The following TRAPPC9 variants were observed in gnomAD, a reference collection of about 807,000 sequenced individuals.
The protein encoded by TRAPPC9 is IKK2 binding protein.
Under a neutral mutation model 124.0 loss-of-function variants are expected in TRAPPC9, and 83 were observed. The ratio of observed to expected loss-of-function variants is 0.67; its 90% CI spans 0.56 to 0.80. The LOEUF (loss-of-function observed/expected upper bound fraction) is 0.80. TRAPPC9 is among the 30% of genes least tolerant of loss of function. TRAPPC9 has a pLI of 0.00. For synonymous variants in TRAPPC9, 638 were observed against 617.5 expected, an observed-to-expected ratio of 1.03 and a Z score of -0.49; for missense variants, 1,302 against 1,508.3, an observed-to-expected ratio of 0.86 and a Z score of 2.27.
intron 21 of TRAPPC9, among the ~76,000 whole-genome samples, chr8:139,796,461 G>A (rs553707395): frequency 2.6e-4 from 39 of 152,246 alleles, no homozygotes; most frequent in African/African-American, 8.9e-4. Context: ...ATGTGTCTAC[G>A]AATTTGTCAA....
intron 16 of TRAPPC9, among the ~76,000 whole-genome samples, chr8:140,229,589 G>A (rs1003929570): frequency 8.7e-5 from 13 of 149,390 alleles, no homozygotes; most frequent in African/African-American, 3.2e-4. Context: ...TCTTTTTTGA[G>A]ACAGAGTCTT....
chr8:140,063,155 C>T lies in TRAPPC9; in HGVS notation c.2557-39076G>A, dbSNP rs1436870920. Among the ~76,000 whole-genome samples the T allele has an allele frequency of 6.6e-6, 1 of 152,134 alleles. No individual in the cohort carries two copies. The highest frequency in any genetic ancestry group is 1.9e-4 in the East Asian group (1 of 5,196). On this transcript the variant is annotated intron_variant, in intron 17 of 22. Coordinates refer to ENST00000438773, the MANE Select transcript of TRAPPC9 (RefSeq NM_001160372.4). The surrounding 1 kb of genome is among the most constrained non-coding windows in gnomAD (Gnocchi z 4.3). ...CATGAGAACGGTGTGGGGGAAGCGGCCACTGTGATTCAATGACCTCCACCT... is the reference window on the plus strand; with the variant it reads ...CATGAGAACGGTGTGGGGGAAGCGGTCACTGTGATTCAATGACCTCCACCT...
chr8:139,899,047 G>A (rs1297407677), intron 20 of TRAPPC9, among the ~76,000 whole-genome samples: 1 of 146,682 alleles, frequency 6.8e-6, no homozygotes, highest in African/African-American at 2.6e-5. Context: ...TTGAACCCAG[G>A]AGGCAGAGGC....
intron 21 of TRAPPC9, among the ~76,000 whole-genome samples, chr8:139,734,575 C>T (rs1448332467): frequency 2.0e-5 from 3 of 152,234 alleles, no homozygotes; most frequent in Admixed American, 6.5e-5. Flanking sequence ...AGGCTGGAGG[C>T]CTGTGCCCAT....
intron 16 of TRAPPC9, among the ~76,000 whole-genome samples, chr8:140,247,419 C>T (rs921372256): frequency 6.6e-6 from 1 of 152,174 alleles, no homozygotes; most frequent in East Asian, 1.9e-4. Flanking sequence ...ATCTGATTTT[C>T]TTTATTTCAT....
At chr8:139,973,597 T>G (rs1484151494) in intron 19 of TRAPPC9, among the ~76,000 whole-genome samples, 19 of 152,140 alleles carry the variant, frequency 1.2e-4, no homozygotes, top group Admixed American at 1.2e-3. Flanking sequence ...ACTGAGAAAT[T>G]TCTATGAAAT....
At chr8:140,118,179 G>A (rs1053156216) in intron 17 of TRAPPC9, among the ~76,000 whole-genome samples, 5 of 152,148 alleles carry the variant, frequency 3.3e-5, no homozygotes, top group East Asian at 1.9e-4. Flanking sequence ...CTTTGATACC[G>A]AGGAGCAAGA....
chr8:139,866,210 G>A (rs994631458), intron 21 of TRAPPC9, among the ~76,000 whole-genome samples: 6 of 152,184 alleles, frequency 3.9e-5, no homozygotes, highest in African/African-American at 1.4e-4. Flanking sequence ...TTCCTTATCA[G>A]ACCTAAATGT....
Position 140,287,699 on chromosome 8 carries a change from G to C in TRAPPC9, c.1890C>G (p.Leu630=). The C allele has an allele frequency of 6.2e-7, 1 of 1,614,154 alleles. No individual in the cohort carries two copies. Among genetic ancestry groups the C allele is most frequent in the South Asian group, 1.1e-5 (1 of 91,078 alleles). Residue 630 remains leucine, a synonymous_variant, in exon 13 of 23, where the codon CTC becomes CTG. Coordinates refer to ENST00000438773, the MANE Select transcript of TRAPPC9 (RefSeq NM_001160372.4). Reference sequence around the variant, plus strand: ...CAGCCGGAAGAGAAAGCGCCGCAGGGAGAGACTCGAACTCCACTCCGCTGG... The same window carrying C: ...CAGCCGGAAGAGAAAGCGCCGCAGGCAGAGACTCGAACTCCACTCCGCTGG... The part of the protein sequence containing the change: ...LLTSGVEFES[L]PAALSLPAES...
intron 21 of TRAPPC9, among the ~76,000 whole-genome samples, chr8:139,820,871 G>A (rs1293593964): frequency 1.3e-5 from 2 of 152,184 alleles, no homozygotes; most frequent in South Asian, 2.1e-4. Context: ...TATTGTATAT[G>A]CACAAATGAA....
chr8:139,795,119 G>A (rs1310788288), intron 21 of TRAPPC9, among the ~76,000 whole-genome samples: 1 of 152,106 alleles, frequency 6.6e-6, no homozygotes, highest in Non-Finnish European at 1.5e-5. Context: ...AAAGACAACG[G>A]GCAGGCACAA....
chr8:139,757,846 T>C (rs1188379753), intron 21 of TRAPPC9, among the ~76,000 whole-genome samples: 1 of 152,170 alleles, frequency 6.6e-6, no homozygotes, highest in East Asian at 1.9e-4. Flanking sequence ...CTCGCCTCCC[T>C]GTCCAAGGGG....
intron 16 of TRAPPC9, among the ~76,000 whole-genome samples, chr8:140,250,330 G>A (rs950777604): frequency 4.6e-5 from 7 of 152,136 alleles, no homozygotes; most frequent in South Asian, 2.1e-4. Context: ...CCAGGATCCC[G>A]GTTTGTGCAA....
At chr8:139,853,043 A>G (rs990493637) in intron 21 of TRAPPC9, among the ~76,000 whole-genome samples, 2 of 152,160 alleles carry the variant, frequency 1.3e-5, no homozygotes, top group Middle Eastern at 3.2e-3. Flanking sequence ...CCGTGAGTCT[A>G]GGCTTCCCAA....
rs560237880 is a variant in TRAPPC9 at position 140,457,590 on chromosome 8, G to A, written c.-11+49C>T. 1.8e-4 allele frequency: 176 copies of A among 985,210 alleles called. No homozygotes were observed. The African/African-American group carries it at 2.8e-3, about 16-fold the overall frequency. The allele number at this position is 985,210 out of a possible 1,614,324, so 61.0% of individuals were successfully genotyped here. On this transcript the variant is annotated intron_variant, in intron 1 of 22. Coordinates refer to ENST00000438773, the MANE Select transcript of TRAPPC9 (RefSeq NM_001160372.4). ...CACGGCCAGCCGCGCAGCCCTCCCCGCAGCCGGTCCGAATTGCCTGACCGG... is the reference window on the plus strand; with the variant it reads ...CACGGCCAGCCGCGCAGCCCTCCCCACAGCCGGTCCGAATTGCCTGACCGG...
chr8:140,062,045 G>A (rs1234762096), intron 17 of TRAPPC9, among the ~76,000 whole-genome samples: 2 of 152,058 alleles, frequency 1.3e-5, no homozygotes, highest in Non-Finnish European at 2.9e-5. Context: ...CACAATACAC[G>A]CACAGCCAGG....
chr8:140,388,943 G>C (rs2068839306), intron 7 of TRAPPC9, among the ~76,000 whole-genome samples: 1 of 149,710 alleles, frequency 6.7e-6, no homozygotes. Context: ...AGACACAGAA[G>C]GACAAACACT....
intron 21 of TRAPPC9, among the ~76,000 whole-genome samples, chr8:139,798,033 C>T (rs990834700): frequency 2.0e-5 from 3 of 152,174 alleles, no homozygotes; most frequent in Non-Finnish European, 4.4e-5. Context: ...TCACTTTCTA[C>T]CAAGAAGCCA....
intron 15 of TRAPPC9, among the ~76,000 whole-genome samples, chr8:140,253,263 C>A (rs2064170863): frequency 6.6e-6 from 1 of 152,130 alleles, no homozygotes; most frequent in Non-Finnish European, 1.5e-5. Context: ...CAGAGTTAAA[C>A]TAAATTTCTC....
Sources: allele counts gnomAD v4.1 joint callset (sites outside exome capture counted in the v4.1 genomes callset), GRCh38; gene constraint gnomAD v4.1.1; non-coding constraint Gnocchi (gnomAD v3.1); transcripts MANE v1.5; gene names NCBI Gene and HGNC (gene_info 2026-07-23, HGNC 2026-07-21).